The following PRKG2 variants were observed in gnomAD, a reference collection of about 807,000 sequenced individuals.
PRKG2 encodes protein kinase cGMP-dependent 2, also known as cGMP-dependent protein kinase 2.
A neutral mutation model predicts 97.2 loss-of-function variants in PRKG2; 33 were observed. The ratio of observed to expected loss-of-function variants is 0.34; its 90% CI spans 0.26 to 0.45. The LOEUF (loss-of-function observed/expected upper bound fraction) is 0.45. Among genes scored for constraint, PRKG2 ranks in the 20% least tolerant of loss-of-function variants. PRKG2 has a pLI of 1.00. For missense variants in PRKG2, 638 were observed against 900.0 expected (o/e 0.71, Z 3.73); for synonymous variants, 330 against 321.8 (o/e 1.03, Z -0.27).
chr4:81,181,809 A>C (rs1053032158), intron 2 of PRKG2, among the ~76,000 whole-genome samples: 1 of 152,012 alleles, frequency 6.6e-6, no homozygotes, highest in Middle Eastern at 3.2e-3. Flanking sequence ...AGCATCAAAA[A>C]ATTCAAAATA....
At chr4:81,204,552 C>A in intron 2 of PRKG2, 35 bp downstream of exon 2, 1 of 1,553,940 alleles carries the variant, frequency 6.4e-7, no homozygotes, top group Non-Finnish European at 8.8e-7. Flanking sequence ...CAATATTAAG[C>A]CCATCTGAGT....
chr4:81,189,066 T>TTAAAAAAAAA (rs1560615683), intron 2 of PRKG2, among the ~76,000 whole-genome samples: 1 of 17,062 alleles, frequency 5.9e-5, no homozygotes, highest in Non-Finnish European at 7.7e-5. Flanking sequence ...AAAAAAATAA[T>TTAAAAAAAAA]AAAAAAAAAA....
intron 12 of PRKG2, 109 bp from the exon 13 acceptor site, chr4:81,137,591 C>T (rs1468024576): frequency 2.5e-6 from 2 of 805,628 alleles, no homozygotes; most frequent in Non-Finnish European, 4.1e-6. Flanking sequence ...TACTCATCTC[C>T]ATATAAATAC....
Position 81,157,845 on chromosome 4 carries a change from T to A in PRKG2, c.913-4124A>T, listed in dbSNP as rs545422865. On this transcript the variant is annotated intron_variant, in intron 6 of 18. Transcript: ENST00000264399. ...GACAAAAACCACATGATTATCTCAA[T>A]AGATGCAGAAAAGGCCTTTGACAAA... Among the ~76,000 whole-genome samples the A allele has an allele frequency of 1.5e-3, 217 of 149,388 alleles. 3 individuals are homozygous for A. Among genetic ancestry groups the A allele is most frequent in the African/African-American group, 5.4e-3 (210 of 38,824 alleles).
In PRKG2 at chr4:81,169,731, C is replaced by G; in HGVS notation, c.780G>C (p.Glu260Asp). Residue 260 changes from glutamate (E) to aspartate (D), a missense_variant, in exon 5 of 19, where the codon GAG (glutamate) becomes GAC (aspartate). By Grantham distance (45) the Glu-to-Asp change is conservative (BLOSUM62 2). Coordinates refer to ENST00000264399, the MANE Select transcript of PRKG2 (RefSeq NM_006259.3). Reference protein sequence around the residue: ...TNVKTWALDREVFQNIMRRTA... With the variant: ...TNVKTWALDRDVFQNIMRRTA... ...TCCTCCTCATTATATTCTGGAATAC[C>G]TCTCGATCTAGTGCCCATGTTTTAA... 1 of 1,609,472 alleles carries G rather than the reference C, an allele frequency of 6.2e-7. No homozygotes were observed.
At position 81,105,924 on chromosome 4, in the gene PRKG2, G is replaced by C. The variant is rs1184886233; in HGVS notation, c.1952C>G (p.Ser651Cys). The change falls in exon 16 of 19, where the codon TCT becomes TGT. Residue 651 changes from serine (S) to cysteine (C), a missense_variant. This residue lies in a region of PRKG2 where 304 missense variants were observed against 460.5 expected (regional missense o/e 0.66). Transcript: ENST00000264399. ...GTAGGTCATCATTTGGTCAACCCCA[G>C]AAAAGGGTGGGCTAGATAGAGAAAA... The part of the protein sequence containing the change: ...YELLTGNPPF[S>C]GVDQMMTYNL... The C allele has an allele frequency of 6.2e-7, 1 of 1,613,534 alleles. No individual in the cohort carries two copies. The highest frequency in any genetic ancestry group is 1.3e-5 in the African/African-American group (1 of 75,018).
chr4:81,173,158 T>C (rs903188174), intron 3 of PRKG2, among the ~76,000 whole-genome samples: 1 of 152,158 alleles, frequency 6.6e-6, no homozygotes, highest in African/African-American at 2.4e-5. Flanking sequence ...TATTTGCTAT[T>C]CATGCTATGT....
At chr4:81,159,876 G>A (rs933436061) in intron 6 of PRKG2, among the ~76,000 whole-genome samples, 32 of 148,564 alleles carry the variant, frequency 2.2e-4, no homozygotes, top group African/African-American at 3.2e-4. Flanking sequence ...ACTAAACACC[G>A]CATATTCTCA....
At chr4:81,150,352 T>G (rs1012655237) in intron 8 of PRKG2, among the ~76,000 whole-genome samples, 4 of 152,194 alleles carry the variant, frequency 2.6e-5, no homozygotes, top group Non-Finnish European at 2.9e-5. Flanking sequence ...GCCATAGATT[T>G]ATTTTTGCAC....
intron 2 of PRKG2, among the ~76,000 whole-genome samples, chr4:81,179,707 C>T (rs752771459): frequency 6.6e-6 from 1 of 151,936 alleles, no homozygotes; most frequent in Admixed American, 6.6e-5. Flanking sequence ...GGGGAGGGAA[C>T]AATAAATGGA....
At chr4:81,154,558 C>G (rs1339484772) in intron 6 of PRKG2, among the ~76,000 whole-genome samples, 5 of 144,580 alleles carry the variant, frequency 3.5e-5, no homozygotes, top group Non-Finnish European at 5.9e-5. Context: ...AGCTGAGGGT[C>G]CTGTCTGTTA....
At chr4:81,089,866 G>A (rs1251104189) in intron 18 of PRKG2, 63 bp from the exon 19 acceptor site, 1 of 1,322,870 alleles carries the variant, frequency 7.6e-7, no homozygotes, top group East Asian at 2.3e-5. Flanking sequence ...TATCACATAT[G>A]GGTAATGTTT....
chr4:81,154,433 A>G (rs1420125376), intron 6 of PRKG2, among the ~76,000 whole-genome samples: 1 of 151,308 alleles, frequency 6.6e-6, no homozygotes, highest in Non-Finnish European at 1.5e-5. Flanking sequence ...GAGAACGGGC[A>G]GACTGCCTCC....
intron 14 of PRKG2, among the ~76,000 whole-genome samples, chr4:81,124,443 C>A (rs1278972139): frequency 6.6e-6 from 1 of 152,198 alleles, no homozygotes; most frequent in Admixed American, 6.5e-5. Context: ...AGAGCAGGCC[C>A]TGTGTAGCCA....
chr4:81,104,400 T>C lies in PRKG2; in HGVS notation c.2096A>G (p.Lys699Arg). The C allele has an allele frequency of 6.8e-7, 1 of 1,481,024 alleles. No homozygotes were observed. The highest frequency in any genetic ancestry group is 1.9e-4 in the Middle Eastern group (1 of 5,132). The allele number at this position is 1,481,024 out of a possible 1,614,324, so 91.7% of individuals were successfully genotyped here. ...QNPTERLGNL[K>R]NGINDIKKHR... ...TTTCTTAATGTCATTTATTCCATTC[T>C]TCAGATTTCCCAGCCTTTCTGTTGG... is the stretch of plus-strand genomic sequence containing the variant. The change falls in exon 17 of 19, where the codon AAG becomes AGG. Residue 699 changes from lysine (K) to arginine (R), a missense_variant. Transcript: ENST00000264399.
At chr4:81,173,352 T>C (rs1750654167) in intron 3 of PRKG2, among the ~76,000 whole-genome samples, 1 of 152,064 alleles carries the variant, frequency 6.6e-6, no homozygotes. Flanking sequence ...TTCAACCTCT[T>C]CTCTCCCTGA....
chr4:81,110,874 C>T (rs1465340134), intron 14 of PRKG2, among the ~76,000 whole-genome samples: 1 of 150,982 alleles, frequency 6.6e-6, no homozygotes, highest in Non-Finnish European at 1.5e-5. Flanking sequence ...ATGCACATAC[C>T]TCTCTGCCCA....
intron 1 of PRKG2, among the ~76,000 whole-genome samples, chr4:81,212,052 AGTT>A (rs549600204): frequency 1.3e-4 from 20 of 152,178 alleles, no homozygotes; most frequent in Non-Finnish European, 2.5e-4. Flanking sequence ...AACCACACAG[AGTT>A]GTTGTCCTTG....
At chr4:81,204,219 CTT>C (rs748154542) in intron 2 of PRKG2, among the ~76,000 whole-genome samples, 70 of 139,548 alleles carry the variant, frequency 5.0e-4, no homozygotes, top group Admixed American at 7.2e-4. Context: ...ATGTGACTCT[CTT>C]TTTTTTTTTT....
Sources: allele counts gnomAD v4.1 joint callset (sites outside exome capture counted in the v4.1 genomes callset), GRCh38; gene constraint gnomAD v4.1.1; regional missense constraint gnomAD v4.1.1; transcripts MANE v1.5; gene names NCBI Gene and HGNC (gene_info 2026-07-23, HGNC 2026-07-21).